The following IL6ST variants were observed in gnomAD, a reference collection of about 807,000 sequenced individuals.
The protein encoded by IL6ST is interleukin-6 receptor subunit beta.
A neutral mutation model predicts 91.3 loss-of-function variants in IL6ST; 24 were observed. That is an observed-to-expected ratio of 0.26 (90% CI 0.19 to 0.37). The LOEUF (loss-of-function observed/expected upper bound fraction) is 0.37. Among genes scored for constraint, IL6ST ranks in the 10% least tolerant of loss-of-function variants. The pLI, the probability that IL6ST is intolerant of heterozygous loss-of-function variation, is 1.00. For synonymous variants in IL6ST, 351 were observed against 373.6 expected, an observed-to-expected ratio of 0.94 and a Z score of 0.70; for missense variants, 914 against 1,078.5, an observed-to-expected ratio of 0.85 and a Z score of 2.14.
intron 3 of IL6ST, among the ~76,000 whole-genome samples, chr5:55,973,052 TA>T (rs1293012352): frequency 6.6e-6 from 1 of 151,062 alleles, no homozygotes; most frequent in Non-Finnish European, 1.5e-5. Context: ...CTATAACCGA[TA>T]TTACAATGAA....
At chr5:55,983,036 C>T (rs991428234) in intron 1 of IL6ST, among the ~76,000 whole-genome samples, 1 of 151,110 alleles carries the variant, frequency 6.6e-6, no homozygotes, top group Non-Finnish European at 1.5e-5. Flanking sequence ...GTCTCACTCC[C>T]ATCACCAGGC....
chr5:55,977,250 T>A (rs1032958288), intron 2 of IL6ST, among the ~76,000 whole-genome samples: 3 of 151,308 alleles, frequency 2.0e-5, no homozygotes, highest in Non-Finnish European at 2.9e-5. Flanking sequence ...TATAACTCTA[T>A]TTACAGGAAA....
intron 15 of IL6ST, chr5:55,944,635 T>A: frequency 9.5e-6 from 8 of 840,334 alleles, no homozygotes; most frequent in Non-Finnish European, 1.5e-5. Context: ...TTAGCGCCAT[T>A]TTTTTGGAAA....
At chr5:55,949,531 CACAT>C (rs1229047808) in intron 14 of IL6ST, among the ~76,000 whole-genome samples, 1 of 151,984 alleles carries the variant, frequency 6.6e-6, no homozygotes, top group African/African-American at 2.4e-5. Context: ...TGTACACACA[CACAT>C]ACATATATAC....
chr5:55,989,969 G>T (rs1415370672), intron 1 of IL6ST, among the ~76,000 whole-genome samples: 5 of 152,016 alleles, frequency 3.3e-5, no homozygotes, highest in Non-Finnish European at 7.4e-5. Flanking sequence ...GGTGGGGTTG[G>T]GGGTAATACA....
At chr5:55,981,608 A>G (rs1346940816) in intron 2 of IL6ST, among the ~76,000 whole-genome samples, 1 of 151,814 alleles carries the variant, frequency 6.6e-6, no homozygotes, top group Non-Finnish European at 1.5e-5. Context: ...GTGCCATTGC[A>G]CTCCAGCCTG....
chr5:55,990,257 G>A (rs753191683), intron 1 of IL6ST, among the ~76,000 whole-genome samples: 3 of 151,396 alleles, frequency 2.0e-5, no homozygotes, highest in Non-Finnish European at 4.4e-5. Context: ...ATCTTACTAA[G>A]ATACACTAGA....
rs142583572 is a variant in IL6ST at position 55,969,637 on chromosome 5, C to T, written c.283G>A (p.Ala95Thr). The T allele has an allele frequency of 5.4e-5, 87 of 1,612,272 alleles. No individual in the cohort carries two copies. In the African/African-American group the frequency reaches 1.1e-3, roughly 20 times the overall value. Residue 95 changes from alanine to threonine, a missense_variant, in exon 4 of 17, where the codon GCT (alanine) becomes ACT (threonine). Ala to Thr is a moderately conservative substitution (Grantham distance 58). Transcript: ENST00000381298. The stretch of plus-strand genomic sequence containing the variant: ...CAAGTGAGCTGAATATTTAATGAAG[C>T]TATATCTGTAAAGGTGACACTGGAT... ...TASSVTFTDI[A>T]SLNIQLTCNI...
intron 2 of IL6ST, among the ~76,000 whole-genome samples, chr5:55,978,839 G>A (rs1350954499): frequency 9.8e-6 from 1 of 101,614 alleles, no homozygotes; most frequent in African/African-American, 4.2e-5. Flanking sequence ...GAATTTTATT[G>A]TTTATAAATT....
At chr5:55,974,629 C>T (rs1327990724) in intron 3 of IL6ST, among the ~76,000 whole-genome samples, 3 of 152,082 alleles carry the variant, frequency 2.0e-5, no homozygotes, top group Non-Finnish European at 2.9e-5. Context: ...GGATTACAGG[C>T]GTGCGGCACT....
intron 7 of IL6ST, among the ~76,000 whole-genome samples, chr5:55,961,852 C>T (rs1030206404): frequency 2.6e-5 from 4 of 151,992 alleles, no homozygotes; most frequent in African/African-American, 7.3e-5. Context: ...CCTGCCTAGT[C>T]CCTTCCTTCC....
intron 8 of IL6ST, among the ~76,000 whole-genome samples, chr5:55,957,752 TTATTC>T (rs1752076513): frequency 1.3e-5 from 2 of 152,124 alleles, no homozygotes; most frequent in Admixed American, 1.3e-4. Context: ...AACTCCTCTC[TTATTC>T]TATTAAATAC....
At chr5:55,994,555 G>C (rs568496677) in intron 1 of IL6ST, among the ~76,000 whole-genome samples, 1 of 152,042 alleles carries the variant, frequency 6.6e-6, no homozygotes, top group South Asian at 2.1e-4. Context: ...GCGCCTGGGT[G>C]AAGTTTGTAC....
chr5:55,948,709 C>A (rs76586011), intron 14 of IL6ST, among the ~76,000 whole-genome samples: 4,510 of 152,186 alleles, frequency 0.03, 142 homozygotes, highest in African/African-American at 0.073. Context: ...TGTTTTCAAG[C>A]CTGTGCCTTT....
chr5:55,983,400 G>A (rs1048864302), intron 1 of IL6ST, among the ~76,000 whole-genome samples: 3 of 152,198 alleles, frequency 2.0e-5, no homozygotes, highest in African/African-American at 7.2e-5. Flanking sequence ...ATTTATGACA[G>A]ACGGAGTTCT....
chr5:55,937,562 A>G lies in IL6ST; in HGVS notation c.*3520T>C, dbSNP rs181273979. The G allele has an allele frequency of 4.9e-6, 1 of 205,350 alleles. No homozygotes were observed. The highest frequency in any genetic ancestry group is 7.4e-5 in the East Asian group (1 of 13,448). The allele number at this position is 205,350 out of a possible 1,614,324, so 12.7% of individuals were successfully genotyped here. A position where few individuals can be genotyped will look rare whatever the true frequency, so the allele number is the denominator to read the frequency against. Reference sequence around the variant, plus strand: ...AATTAGGCTGTAAGACTGCTAGTTCATACCTTCTTTGAAATCAATGACAAT... The same window carrying G: ...AATTAGGCTGTAAGACTGCTAGTTCGTACCTTCTTTGAAATCAATGACAAT... On this transcript the variant is annotated 3_prime_UTR_variant, in exon 17 of 17. Coordinates refer to ENST00000381298, the MANE Select transcript of IL6ST (RefSeq NM_002184.4).
chr5:55,976,003 T>C (rs1753267877), intron 3 of IL6ST, among the ~76,000 whole-genome samples: 1 of 151,854 alleles, frequency 6.6e-6, no homozygotes, highest in South Asian at 2.1e-4. Context: ...ATTACTGACT[T>C]AGCATGTAAG....
intron 1 of IL6ST, among the ~76,000 whole-genome samples, 189 bp from the exon 2 acceptor site, chr5:55,983,000 CTT>C (rs111793262): frequency 3.1e-4 from 43 of 136,690 alleles, no homozygotes; most frequent in Admixed American, 3.7e-4. Flanking sequence ...TATTCTAGTG[CTT>C]TTTTTTTTTT....
rs73120473 is a variant in IL6ST, at chr5:55,937,654, A to G, written c.*3428T>C. On this transcript the variant is annotated 3_prime_UTR_variant, in exon 17 of 17. Transcript: ENST00000381298. ...ACTCCATATTCTTTTAATTTACAGAAAAGTACAAATTTTTTAGAAAGTAAT... is the reference window on the plus strand; with the variant it reads ...ACTCCATATTCTTTTAATTTACAGAGAAGTACAAATTTTTTAGAAAGTAAT... 1,141 of 196,606 alleles carry G rather than the reference A, an allele frequency of 5.8e-3. 9 individuals are homozygous for G. Among genetic ancestry groups the G allele is most frequent in the African/African-American group, 0.024 (1,054 of 43,410 alleles). The allele number at this position is 196,606 out of a possible 1,614,324, so 12.2% of individuals were successfully genotyped here.
Sources: allele counts gnomAD v4.1 joint callset (sites outside exome capture counted in the v4.1 genomes callset), GRCh38; gene constraint gnomAD v4.1.1; transcripts MANE v1.5; gene names NCBI Gene and HGNC (gene_info 2026-07-23, HGNC 2026-07-21).